The following C20orf96 variants were observed in gnomAD, a reference collection of about 807,000 sequenced individuals.
C20orf96 encodes the protein chromosome 20 open reading frame 96.
C20orf96 carries 57 observed loss-of-function variants against 52.6 expected under a neutral mutation model. The observed-to-expected ratio is 1.08, with a 90% confidence interval of 0.88 to 1.35. The LOEUF (loss-of-function observed/expected upper bound fraction) is 1.35, where lower values mean the gene tolerates loss of function less well. Among genes scored for constraint, C20orf96 ranks in the 40% most tolerant of loss-of-function variants. C20orf96 has a pLI of 0.00. For synonymous variants in C20orf96, 168 were observed against 157.2 expected (o/e 1.07, Z -0.51); for missense variants, 478 against 443.6 (o/e 1.08, Z -0.70).
chr20:276,696 C>T (rs1221914063), intron 9 of C20orf96, 97 bp downstream of exon 9: 11 of 1,532,818 alleles, frequency 7.2e-6, no homozygotes, highest in East Asian at 4.9e-5. Context: ...ACCTCCTGAG[C>T]GCCAGATCAG....
chr20:285,359 C>A (rs1486134109), intron 3 of C20orf96, among the ~76,000 whole-genome samples: 1 of 152,224 alleles, frequency 6.6e-6, no homozygotes, highest in African/African-American at 2.4e-5. Context: ...TACAACCCAG[C>A]TCATCTGGGA....
At chr20:281,461 T>C (rs911002363) in intron 4 of C20orf96, among the ~76,000 whole-genome samples, 6 of 152,194 alleles carry the variant, frequency 3.9e-5, no homozygotes, top group Non-Finnish European at 8.8e-5. Context: ...CCATAAATAT[T>C]TGCTCTTTCA....
chr20:278,649 C>G (rs551224201), intron 5 of C20orf96, among the ~76,000 whole-genome samples: 1 of 151,600 alleles, frequency 6.6e-6, no homozygotes, highest in Non-Finnish European at 1.5e-5. Context: ...TTTGCAAATG[C>G]TGTTGGTGGT....
intron 3 of C20orf96, among the ~76,000 whole-genome samples, chr20:287,873 C>T (rs1242465486): frequency 1.4e-5 from 2 of 140,934 alleles, no homozygotes; most frequent in Non-Finnish European, 3.0e-5. Context: ...CGCACCACTG[C>T]ACCCTGGCCT....
chr20:275,395 G>A (rs1379789110), intron 10 of C20orf96, among the ~76,000 whole-genome samples: 1 of 152,212 alleles, frequency 6.6e-6, no homozygotes, highest in East Asian at 1.9e-4. Flanking sequence ...AACGACAGGA[G>A]GGAGAGACAG....
At position 289,196 on chromosome 20, in the gene C20orf96, A is replaced by AC. The variant is rs3051821; in HGVS notation, c.187+362dup. On this transcript the variant is annotated intron_variant, in intron 3 of 10. Coordinates refer to ENST00000360321, the MANE Select transcript of C20orf96 (RefSeq NM_153269.3). ...GTAACATTTGTCACTTCAAATCTGG[A>AC]CCCCCCCCAAAAAAAATGCCCACAT... Among the ~76,000 whole-genome samples, 603 of 148,318 alleles carry AC rather than the reference A, an allele frequency of 4.1e-3. 2 individuals are homozygous for AC. Among genetic ancestry groups the AC allele is most frequent in the African/African-American group, 6.1e-3 (246 of 40,180 alleles).
chr20:287,535 T>A (rs1309979043), intron 3 of C20orf96, among the ~76,000 whole-genome samples: 1 of 152,212 alleles, frequency 6.6e-6, no homozygotes, highest in Non-Finnish European at 1.5e-5. Flanking sequence ...GTTGAGTTTT[T>A]ACTGTTACTG....
At chr20:274,752 G>A (rs2011960018) in intron 10 of C20orf96, among the ~76,000 whole-genome samples, 2 of 151,880 alleles carry the variant, frequency 1.3e-5, no homozygotes, top group South Asian at 4.2e-4. Context: ...ACATCCTCAG[G>A]AAAACCTTCC....
intron 3 of C20orf96, among the ~76,000 whole-genome samples, 195 bp from the exon 4 acceptor site, chr20:284,276 A>T (rs1259910316): frequency 6.6e-6 from 1 of 152,214 alleles, no homozygotes; most frequent in African/African-American, 2.4e-5. Flanking sequence ...CTGGGCCTCA[A>T]TATGAGGGAG....
intron 1 of C20orf96, 101 bp downstream of exon 1, chr20:290,490 G>C: frequency 2.7e-6 from 4 of 1,490,692 alleles, no homozygotes; most frequent in Non-Finnish European, 2.7e-6. Context: ...TCAGAAGACC[G>C]AGGGCGACCT....
intron 5 of C20orf96, 110 bp downstream of exon 5, chr20:279,062 G>GGGAGGGAT (rs1568491372): frequency 3.9e-4 from 86 of 223,166 alleles, no homozygotes; most frequent in Non-Finnish European, 4.2e-4. Flanking sequence ...GCGGGACGGA[G>GGGAGGGAT]GGAGGGAGGG....
intron 4 of C20orf96, among the ~76,000 whole-genome samples, chr20:280,356 C>G (rs2012220742): frequency 6.6e-6 from 1 of 151,496 alleles, no homozygotes; most frequent in African/African-American, 2.4e-5. Context: ...AACAATTGTA[C>G]TCCCCTAAGG....
Position 279,234 on chromosome 20 carries a change from C to T in C20orf96, c.403G>A (p.Glu135Lys). Reference sequence around the variant, plus strand: ...TGCAGGGTCGTGCTGTTCTCCATCTCCTGGATGGTCTCGATCAGCTCCCGG... The same window carrying T: ...TGCAGGGTCGTGCTGTTCTCCATCTTCTGGATGGTCTCGATCAGCTCCCGG... ...LNRELIETIQ[E>K]MENSTTLHVR... Residue 135 changes from glutamate (E) to lysine (K), a missense_variant, in exon 5 of 11, where the codon GAG becomes AAG. Coordinates refer to ENST00000360321, the MANE Select transcript of C20orf96 (RefSeq NM_153269.3). 3 of 1,610,958 alleles carry T rather than the reference C, an allele frequency of 1.9e-6. No individual in the cohort carries two copies. Among genetic ancestry groups the T allele is most frequent in the East Asian group, 2.2e-5 (1 of 44,740 alleles).
Position 290,706 on chromosome 20 carries a change from C to T in C20orf96, c.-96G>A, listed in dbSNP as rs1360205328. On this transcript the variant is annotated 5_prime_UTR_variant, in exon 1 of 11. Coordinates refer to ENST00000360321, the MANE Select transcript of C20orf96 (RefSeq NM_153269.3). ...AACTTCCTTGTCTCAGTGTAGATCGCGCGGTAACCCAGGCCACTCAGAAGT... is the reference window on the plus strand; with the variant it reads ...AACTTCCTTGTCTCAGTGTAGATCGTGCGGTAACCCAGGCCACTCAGAAGT... 2.0e-6 allele frequency: 3 copies of T among 1,502,416 alleles called. No individual in the cohort carries two copies. The highest frequency in any genetic ancestry group is 1.4e-5 in the African/African-American group (1 of 69,872). 93.1% of individuals were successfully genotyped at this position (1,502,416 alleles called of 1,614,324 possible).
rs550866771 is a variant in C20orf96 at position 277,117 on chromosome 20, C to A, written c.752G>T (p.Arg251Leu). The A allele has an allele frequency of 1.2e-6, 2 of 1,613,856 alleles. No individual in the cohort carries two copies. The highest frequency in any genetic ancestry group is 1.7e-6 in the Non-Finnish European group (2 of 1,179,890). The change falls in exon 8 of 11, where the codon CGC becomes CTC. Residue 251 changes from arginine to leucine, a missense_variant. Transcript: ENST00000360321. The part of the protein sequence containing the change: ...QDELDDLGEM[R>L]RKVLESLSDK... Reference sequence around the variant, plus strand: ...AGACAAGGATTCCAGGACCTTTCTGCGCATCTCACCGAGGTCATCCAGCTC... The same window carrying A: ...AGACAAGGATTCCAGGACCTTTCTGAGCATCTCACCGAGGTCATCCAGCTC...
Position 290,302 on chromosome 20 carries a change from T to G in C20orf96, c.26A>C (p.Lys9Thr). Residue 9 changes from lysine to threonine, a missense_variant, in exon 2 of 11, where the codon AAG (lysine) becomes ACG (threonine). Transcript: ENST00000360321. ...GACTATGGAGTGAGTCCCAGAGTGC[T>G]TGGGTCTGGAAAGAGTTGGGAAGGG... Reference protein sequence around the residue: MAHVLQKPKHSGTHSIVQE... With the variant: MAHVLQKPTHSGTHSIVQE... 1 of 1,612,874 alleles carries G rather than the reference T, an allele frequency of 6.2e-7. No homozygotes were observed. Among genetic ancestry groups the G allele is most frequent in the Non-Finnish European group, 8.5e-7 (1 of 1,179,488 alleles).
intron 4 of C20orf96, among the ~76,000 whole-genome samples, chr20:280,754 T>TTGG (rs1157882460): frequency 6.6e-6 from 1 of 152,228 alleles, no homozygotes; most frequent in African/African-American, 2.4e-5. Flanking sequence ...GCTCAGCCAC[T>TTGG]TACCATCTAA....
At chr20:290,552 C>T (rs748507621) in intron 1 of C20orf96, 39 bp downstream of exon 1, 2 of 1,591,946 alleles carry the variant, frequency 1.3e-6, no homozygotes, top group Admixed American at 1.7e-5. Flanking sequence ...GCGTATTCCG[C>T]CTTTCTTCCA....
intron 10 of C20orf96, among the ~76,000 whole-genome samples, chr20:273,543 T>C (rs1287484923): frequency 2.6e-5 from 4 of 152,010 alleles, no homozygotes; most frequent in African/African-American, 4.8e-5. Context: ...GGTTGGTTCA[T>C]AGAGCAGTAA....
Sources: allele counts gnomAD v4.1 joint callset (sites outside exome capture counted in the v4.1 genomes callset), GRCh38; gene constraint gnomAD v4.1.1; transcripts MANE v1.5; gene names NCBI Gene and HGNC (gene_info 2026-07-23, HGNC 2026-07-21).